The following JAKMIP2 variants were observed in gnomAD, a reference collection of about 807,000 sequenced individuals.
JAKMIP2 encodes janus kinase and microtubule interacting protein 2.
In JAKMIP2, 25 loss-of-function variants were observed where a neutral mutation model predicts 115.0. The observed-to-expected ratio is 0.22, with a 90% CI of 0.16 to 0.30. The LOEUF (loss-of-function observed/expected upper bound fraction) is 0.30, where lower values mean the gene tolerates loss of function less well. Among genes scored for constraint, JAKMIP2 ranks in the 10% least tolerant of loss-of-function variants. The probability of loss-of-function intolerance (pLI) is 1.00; values close to 1 mark genes in which losing one functional copy is unlikely to be tolerated. For missense variants in JAKMIP2, 642 were observed against 957.6 expected (o/e 0.67, Z 4.35); for synonymous variants, 334 against 343.6 (o/e 0.97, Z 0.31).
chr5:147,670,268 A>T (rs187148525), intron 2 of JAKMIP2, among the ~76,000 whole-genome samples: 1 of 152,364 alleles, frequency 6.6e-6, no homozygotes, highest in East Asian at 1.9e-4. Context: ...GAGAAATAAC[A>T]AATTAAAATT....
chr5:147,592,836 C>T (rs1186986622), intron 21 of JAKMIP2, among the ~76,000 whole-genome samples: 1 of 152,168 alleles, frequency 6.6e-6, no homozygotes, highest in African/African-American at 2.4e-5. Flanking sequence ...CCCAAGGATA[C>T]TTCTAGTCTA....
chr5:147,744,729 T>C (rs1242932710), intron 1 of JAKMIP2, among the ~76,000 whole-genome samples: 1 of 152,124 alleles, frequency 6.6e-6, no homozygotes, highest in Admixed American at 6.5e-5. Flanking sequence ...TGTTACAGTA[T>C]CTCTGTGAGT....
rs963520349 is a variant in JAKMIP2, at chr5:147,657,204, C to G, written c.627+3744G>C. Reference sequence around the variant, plus strand: ...CTGAGGCAGGGGAATGGCATGAACCCGGGAGGCGGAGCTTGCAGTGAGCCG... The same window carrying G: ...CTGAGGCAGGGGAATGGCATGAACCGGGGAGGCGGAGCTTGCAGTGAGCCG... On this transcript the variant is annotated intron_variant, in intron 3 of 21. Coordinates refer to ENST00000616793, the MANE Select transcript of JAKMIP2 (RefSeq NM_001270941.2). Among the ~76,000 whole-genome samples the G allele has an allele frequency of 2.7e-5, 4 of 150,044 alleles. No homozygotes were observed. The South Asian group carries it at 8.3e-4, about 31-fold the overall frequency.
chr5:147,769,921 C>G (rs1755288511), intron 1 of JAKMIP2, among the ~76,000 whole-genome samples: 1 of 151,918 alleles, frequency 6.6e-6, no homozygotes, highest in Non-Finnish European at 1.5e-5. Flanking sequence ...AAATATTTAC[C>G]ACATTTTGTT....
chr5:147,589,935 T>C lies in JAKMIP2; in HGVS notation c.*1772A>G, dbSNP rs753776146. The stretch of plus-strand genomic sequence containing the variant: ...AATTACAAAGCACATTGTGCTACTT[T>C]AAGCACCTCTTGTTCTAAAATTGCA... On this transcript the variant is annotated 3_prime_UTR_variant, in exon 22 of 22. Coordinates refer to ENST00000616793, the MANE Select transcript of JAKMIP2 (RefSeq NM_001270941.2). 2 of 152,228 alleles carry C rather than the reference T, an allele frequency of 1.3e-5. No individual in the cohort carries two copies. Among genetic ancestry groups the C allele is most frequent in the African/African-American group, 2.4e-5 (1 of 41,472 alleles). 9.4% of individuals were successfully genotyped at this position (152,228 alleles called of 1,614,324 possible). A position where few individuals can be genotyped will look rare whatever the true frequency, so the allele number is the denominator to read the frequency against.
rs374088861 is a variant in JAKMIP2 at position 147,688,683 on chromosome 5, C to T, written c.-148-16729G>A. Among the ~76,000 whole-genome samples, 7 of 152,254 alleles carry T rather than the reference C, an allele frequency of 4.6e-5. No individual in the cohort carries two copies. In the South Asian group the frequency reaches 1.5e-3, roughly 32 times the overall value. Reference sequence around the variant, plus strand: ...AGACTCTAGGGCCCATTCTCTCAACCGCATCACTATAGTCCCACCCTTAAA... The same window carrying T: ...AGACTCTAGGGCCCATTCTCTCAACTGCATCACTATAGTCCCACCCTTAAA... On this transcript the variant is annotated intron_variant, in intron 1 of 21. Coordinates refer to ENST00000616793, the MANE Select transcript of JAKMIP2 (RefSeq NM_001270941.2).
intron 1 of JAKMIP2, among the ~76,000 whole-genome samples, chr5:147,759,727 C>T (rs1039314197): frequency 6.6e-6 from 1 of 152,054 alleles, no homozygotes; most frequent in Admixed American, 6.6e-5. Flanking sequence ...AAAAGTGTGT[C>T]TGATTAACAG....
rs1757851615 is a variant in JAKMIP2 at position 147,640,903 on chromosome 5, T to C, written c.1282-80A>G. The C allele has an allele frequency of 6.4e-5, 81 of 1,271,866 alleles. 2 individuals carry two copies. In the South Asian group the frequency reaches 1.0e-3, roughly 16 times the overall value. The allele number at this position is 1,271,866 out of a possible 1,614,324, so 78.8% of individuals were successfully genotyped here. A position where few individuals can be genotyped will look rare whatever the true frequency, so the allele number is the denominator to read the frequency against. ...AACGTTAAAATACTGTCAACTGGCA[T>C]ACGTGTAAGTGAATATAGAAGACAT... On this transcript the variant is annotated intron_variant, in intron 8 of 21. Transcript: ENST00000616793.
chr5:147,623,898 G>A (rs1322259809), intron 16 of JAKMIP2, among the ~76,000 whole-genome samples: 2 of 152,054 alleles, frequency 1.3e-5, no homozygotes, highest in Non-Finnish European at 1.5e-5. Context: ...GTGCAGTGAC[G>A]TTATCTCGGC....
At chr5:147,613,416 T>G (rs1270222697) in intron 19 of JAKMIP2, among the ~76,000 whole-genome samples, 1 of 152,210 alleles carries the variant, frequency 6.6e-6, no homozygotes, top group African/African-American at 2.4e-5. Flanking sequence ...CAAGGGGTAC[T>G]TGAACTTGGA....
At chr5:147,750,747 T>A (rs1458799198) in intron 1 of JAKMIP2, among the ~76,000 whole-genome samples, 26 of 152,176 alleles carry the variant, frequency 1.7e-4, no homozygotes, top group Admixed American at 1.6e-3. Flanking sequence ...AAGGAAGGTC[T>A]TGAGAGTGGG....
chr5:147,674,292 T>C (rs1759802224), intron 1 of JAKMIP2, among the ~76,000 whole-genome samples: 1 of 152,198 alleles, frequency 6.6e-6, no homozygotes, highest in South Asian at 2.1e-4. Flanking sequence ...TAAAATCTGA[T>C]CCGCTTTGGC....
At chr5:147,637,485 G>C (rs183017610) in intron 10 of JAKMIP2, among the ~76,000 whole-genome samples, 5 of 135,048 alleles carry the variant, frequency 3.7e-5, no homozygotes, top group African/African-American at 1.1e-4. Flanking sequence ...TGTTGCCCAG[G>C]CTGGAATGCA....
chr5:147,698,232 G>T (rs1752183788), intron 1 of JAKMIP2, among the ~76,000 whole-genome samples: 1 of 152,106 alleles, frequency 6.6e-6, no homozygotes, highest in African/African-American at 2.4e-5. Flanking sequence ...TGGCCAATTT[G>T]TCCCATTTTG....
intron 1 of JAKMIP2, among the ~76,000 whole-genome samples, chr5:147,741,629 C>T (rs2126996025): frequency 6.6e-6 from 1 of 152,098 alleles, no homozygotes; most frequent in South Asian, 2.1e-4. Context: ...ATACAGAAAA[C>T]TGGTAAAGAT....
chr5:147,636,955 A>G lies in JAKMIP2; in HGVS notation c.1614+10T>C. On this transcript the variant is annotated intron_variant, in intron 11 of 21. Transcript: ENST00000616793. Reference sequence around the variant, plus strand: ...TGCATCTGCAGAAGAGCTAGCAACCAAATGCCTACCTGCCCTTTCTGAGCC... The same window carrying G: ...TGCATCTGCAGAAGAGCTAGCAACCGAATGCCTACCTGCCCTTTCTGAGCC... 1.1e-6 allele frequency: 1 copy of G among 872,896 alleles called. No individual in the cohort carries two copies. The highest frequency in any genetic ancestry group is 1.6e-5 in the African/African-American group (1 of 61,436). 54.1% of individuals were successfully genotyped at this position (872,896 alleles called of 1,614,324 possible). A position where few individuals can be genotyped will look rare whatever the true frequency, so the allele number is the denominator to read the frequency against.
chr5:147,760,133 T>C (rs1364194239), intron 1 of JAKMIP2, among the ~76,000 whole-genome samples: 2 of 152,024 alleles, frequency 1.3e-5, no homozygotes, highest in East Asian at 3.9e-4. Context: ...GGGTGGAGCA[T>C]GCATATGAGT....
chr5:147,721,523 C>T (rs551216343), intron 1 of JAKMIP2, among the ~76,000 whole-genome samples: 27 of 152,266 alleles, frequency 1.8e-4, no homozygotes, highest in Non-Finnish European at 3.2e-4. Flanking sequence ...TAGGACCCTC[C>T]GAGCCAGGTG....
Position 147,612,761 on chromosome 5 carries a change from A to G in JAKMIP2, c.2347-390T>C, listed in dbSNP as rs112305093. Among the ~76,000 whole-genome samples, 190 of 152,294 alleles carry G rather than the reference A, an allele frequency of 1.2e-3. 1 individual carries two copies. Among genetic ancestry groups the G allele is most frequent in the African/African-American group, 3.5e-3 (145 of 41,570 alleles). On this transcript the variant is annotated intron_variant, in intron 19 of 21. Coordinates refer to ENST00000616793, the MANE Select transcript of JAKMIP2 (RefSeq NM_001270941.2). ...ATCAAATCCTTGTAGAGGGTGTAGT[A>G]TATCTCAGAAGTAGACAGCAAGAAA...
Sources: allele counts gnomAD v4.1 joint callset (sites outside exome capture counted in the v4.1 genomes callset), GRCh38; gene constraint gnomAD v4.1.1; transcripts MANE v1.5; gene names NCBI Gene and HGNC (gene_info 2026-07-23, HGNC 2026-07-21).